Variants in COG6 observed in about 807,000 individuals in gnomAD.
COG6 encodes the protein component of oligomeric golgi complex 6.
In COG6, 74 loss-of-function variants were observed where a neutral mutation model predicts 88.8. That is an observed-to-expected ratio of 0.83 (90% CI 0.69 to 1.01). COG6 has a LOEUF of 1.01. Ranked by LOEUF, COG6 falls within the 50% of genes least tolerant of loss-of-function variation. COG6 has a pLI of 0.00. For synonymous variants in COG6, 286 were observed against 278.7 expected, an observed-to-expected ratio of 1.03 and a Z score of -0.26; for missense variants, 800 against 797.9, an observed-to-expected ratio of 1.00 and a Z score of -0.03.
At chr13:39,781,294 G>A (rs1229215474) in intron 18 of COG6, among the ~76,000 whole-genome samples, 1 of 152,116 alleles carries the variant, frequency 6.6e-6, no homozygotes, top group Non-Finnish European at 1.5e-5. Context: ...ATCAAATTAG[G>A]TCCAAGCATT....
intron 4 of COG6, among the ~76,000 whole-genome samples, chr13:39,665,587 A>G (rs1438639420): frequency 1.3e-5 from 2 of 152,168 alleles, no homozygotes; most frequent in Admixed American, 1.3e-4. Flanking sequence ...CTATTGGTTG[A>G]TTGAATGAAT....
chr13:39,751,711 T>G lies in COG6; in HGVS notation c.*618T>G. The G allele has an allele frequency of 7.8e-7, 1 of 1,286,988 alleles. No homozygotes were observed. The highest frequency in any genetic ancestry group is 1.2e-5 in the South Asian group (1 of 80,922). The allele number at this position is 1,286,988 out of a possible 1,614,324, so 79.7% of individuals were successfully genotyped here. Reference sequence around the variant, plus strand: ...ATATATTTGACTGTGTACATTCTTATGCAATTTTAAGTATACACTCAGCAA... The same window carrying G: ...ATATATTTGACTGTGTACATTCTTAGGCAATTTTAAGTATACACTCAGCAA... On this transcript the variant is annotated 3_prime_UTR_variant, in exon 19 of 19. Coordinates refer to ENST00000455146, the MANE Select transcript of COG6 (RefSeq NM_020751.3).
At chr13:39,685,153 CTG>C (rs1013188067) in intron 8 of COG6, among the ~76,000 whole-genome samples, 4 of 151,984 alleles carry the variant, frequency 2.6e-5, no homozygotes, top group African/African-American at 9.7e-5. Context: ...ATTTCTTTAA[CTG>C]TAGCTAAACA....
intron 18 of COG6, among the ~76,000 whole-genome samples, chr13:39,742,951 C>T (rs1880130400): frequency 6.6e-6 from 1 of 152,194 alleles, no homozygotes; most frequent in Non-Finnish European, 1.5e-5. Flanking sequence ...TTAAGAAACT[C>T]ACTCAAAACT....
At chr13:39,690,291 T>C (rs1876909567) in intron 11 of COG6, among the ~76,000 whole-genome samples, 2 of 152,128 alleles carry the variant, frequency 1.3e-5, no homozygotes, top group East Asian at 3.9e-4. Context: ...GAACAGAATT[T>C]GGAATCAAAT....
downstream of COG6, among the ~76,000 whole-genome samples, chr13:39,757,161 A>T (rs1202553040): frequency 6.6e-6 from 1 of 152,228 alleles, no homozygotes; most frequent in Non-Finnish European, 1.5e-5. Context: ...ATGACATTGT[A>T]AATTAATAAC....
chr13:39,677,270 A>G (rs1395109810), intron 4 of COG6, among the ~76,000 whole-genome samples, 198 bp from the exon 5 acceptor site: 1 of 152,208 alleles, frequency 6.6e-6, no homozygotes, highest in Non-Finnish European at 1.5e-5. Flanking sequence ...TATCTGAAAT[A>G]GAACAATATT....
chr13:39,729,410 A>C (rs1879315994), intron 18 of COG6, among the ~76,000 whole-genome samples: 1 of 152,258 alleles, frequency 6.6e-6, no homozygotes, highest in Admixed American at 6.5e-5. Flanking sequence ...TGGCTCTGTA[A>C]CATTTTAAGG....
intron 18 of COG6, among the ~76,000 whole-genome samples, chr13:39,775,833 G>A (rs563296710): frequency 7.9e-5 from 12 of 151,038 alleles, no homozygotes; most frequent in African/African-American, 2.4e-4. Context: ...GCAATGGTGC[G>A]ATCTCGGCTC....
At chr13:39,769,737 C>A (rs916611752) in intron 18 of COG6, among the ~76,000 whole-genome samples, 2 of 152,062 alleles carry the variant, frequency 1.3e-5, no homozygotes, top group African/African-American at 4.8e-5. Context: ...GAGAGCGGGG[C>A]CTTCGGTTGG....
chr13:39,750,390 T>G lies in COG6; in HGVS notation c.1827-556T>G, dbSNP rs563729892. ...TTATGTGCTTTTGTAGAAATGTATA[T>G]TTGTGAGAAAGCTGTGATTTGCTGC... On this transcript the variant is annotated intron_variant, in intron 18 of 18. Transcript: ENST00000455146. 5.3e-5 allele frequency among the ~76,000 whole-genome samples: 8 copies of G among 152,312 alleles called. 1 individual carries two copies. The South Asian group carries it at 1.7e-3, about 32-fold the overall frequency.
At chr13:39,756,224 G>A (rs1375359661), downstream of COG6, among the ~76,000 whole-genome samples, 1 of 151,998 alleles carries the variant, frequency 6.6e-6, no homozygotes, top group East Asian at 1.9e-4. Context: ...AAACTTATTT[G>A]GACATGAGAA....
intron 18 of COG6, among the ~76,000 whole-genome samples, chr13:39,769,270 T>A (rs965212979): frequency 3.3e-5 from 5 of 152,240 alleles, no homozygotes; most frequent in Non-Finnish European, 5.9e-5. Flanking sequence ...AATATGAGAA[T>A]GTTCAAGATT....
intron 7 of COG6, among the ~76,000 whole-genome samples, chr13:39,680,811 T>G (rs919983310): frequency 1.3e-5 from 2 of 152,186 alleles, no homozygotes; most frequent in Non-Finnish European, 2.9e-5. Flanking sequence ...CCTCATCTTC[T>G]ATCTCATATC....
intron 3 of COG6, among the ~76,000 whole-genome samples, chr13:39,663,220 GTT>G (rs1414793268): frequency 6.6e-6 from 1 of 151,786 alleles, no homozygotes; most frequent in Non-Finnish European, 1.5e-5. Flanking sequence ...TCTTACCATA[GTT>G]TATAAATGAA....
chr13:39,761,069 G>T (rs2138163767), intron 18 of COG6, among the ~76,000 whole-genome samples: 1 of 151,986 alleles, frequency 6.6e-6, no homozygotes, highest in African/African-American at 2.4e-5. Flanking sequence ...TGGGAATATG[G>T]TTGGGATTAC....
chr13:39,681,674 TAAAGA>T (rs1876323767), intron 7 of COG6, among the ~76,000 whole-genome samples: 1 of 152,196 alleles, frequency 6.6e-6, no homozygotes, highest in Non-Finnish European at 1.5e-5. Context: ...ATTAGAATAA[TAAAGA>T]AAAGTTGGTG....
intron 12 of COG6, among the ~76,000 whole-genome samples, chr13:39,697,122 A>G (rs1178497022): frequency 2.0e-5 from 3 of 151,366 alleles, no homozygotes; most frequent in African/African-American, 7.3e-5. Context: ...TGGCCTTGTC[A>G]GATTTGATGT....
At chr13:39,767,812 A>G (rs1448987728) in intron 18 of COG6, among the ~76,000 whole-genome samples, 2 of 152,230 alleles carry the variant, frequency 1.3e-5, no homozygotes, top group African/African-American at 4.8e-5. Context: ...AAAAGTCCCA[A>G]TTTTACAGCT....
Sources: gnomAD v4.1 joint callset for allele counts (sites outside exome capture counted in the v4.1 genomes callset) on GRCh38, gnomAD v4.1.1 for gene constraint, MANE v1.5 for transcripts, NCBI Gene and HGNC (gene_info 2026-07-23, HGNC 2026-07-21) for gene names.